Variants in RYR2 observed in about 807,000 individuals in gnomAD.
RYR2 encodes the protein ryanodine receptor 2.
Under a neutral mutation model 601.1 loss-of-function variants are expected in RYR2, and 227 were observed. That is an observed-to-expected ratio of 0.38 (90% CI 0.34 to 0.42). The LOEUF (loss-of-function observed/expected upper bound fraction) is 0.42, where lower values mean the gene tolerates loss of function less well. Ranked by LOEUF, RYR2 falls within the 10% of genes least tolerant of loss-of-function variation. The probability of loss-of-function intolerance (pLI) is 1.00; values close to 1 mark genes in which losing one functional copy is unlikely to be tolerated. For synonymous variants in RYR2, 2,223 were observed against 2,175.1 expected (o/e 1.02, Z -0.61); for missense variants, 4,646 against 6,156.5 (o/e 0.75, Z 8.21).
chr1:237,508,734 CTTTTTTTTTTTTTTT>C (rs869044432), intron 23 of RYR2, among the ~76,000 whole-genome samples: 2 of 77,676 alleles, frequency 2.6e-5, no homozygotes, highest in East Asian at 5.0e-4. Flanking sequence ...TTCGGGTTTT[CTTTTTTTTTTTTTTT>C]TTTTTTTTTT....
At chr1:237,486,023 G>A (rs1234255466) in intron 17 of RYR2, among the ~76,000 whole-genome samples, 1 of 152,098 alleles carries the variant, frequency 6.6e-6, no homozygotes, top group Non-Finnish European at 1.5e-5. Context: ...GAGAGGATGA[G>A]TTTAGGAGAT....
At chr1:237,138,188 T>A (rs1672990706) in intron 1 of RYR2, among the ~76,000 whole-genome samples, 1 of 152,060 alleles carries the variant, frequency 6.6e-6, no homozygotes, top group African/African-American at 2.4e-5. Flanking sequence ...TGTGCCACCG[T>A]GCCCGGCTAA....
At chr1:237,110,348 C>T (rs1669319933) in intron 1 of RYR2, among the ~76,000 whole-genome samples, 1 of 151,648 alleles carries the variant, frequency 6.6e-6, no homozygotes, top group South Asian at 2.1e-4. Flanking sequence ...ATGTGTCATG[C>T]TGGTGTGCTG....
At chr1:237,736,814 C>T (rs1027344644) in intron 79 of RYR2, among the ~76,000 whole-genome samples, 1 of 152,236 alleles carries the variant, frequency 6.6e-6, no homozygotes, top group African/African-American at 2.4e-5. Flanking sequence ...AATGCTCCCC[C>T]TGGCTGTGTG....
At chr1:237,485,563 A>AT (rs1027312462) in intron 17 of RYR2, among the ~76,000 whole-genome samples, 7 of 152,306 alleles carry the variant, frequency 4.6e-5, no homozygotes, top group African/African-American at 1.7e-4. Flanking sequence ...GCTGATTGAG[A>AT]TTTTGCAGTC....
At chr1:237,608,865 T>C (rs1245313821) in intron 35 of RYR2, among the ~76,000 whole-genome samples, 2 of 150,046 alleles carry the variant, frequency 1.3e-5, no homozygotes, top group Admixed American at 1.3e-4. Flanking sequence ...GCCTGACTGA[T>C]ATATTCAGTC....
chr1:237,445,697 T>C (rs1708270114), intron 14 of RYR2, among the ~76,000 whole-genome samples, 175 bp downstream of exon 14: 1 of 152,220 alleles, frequency 6.6e-6, no homozygotes, highest in Non-Finnish European at 1.5e-5. Context: ...TTCTTTTAAA[T>C]AAACTTTTAA....
At chr1:237,370,024 C>T (rs976362315) in intron 6 of RYR2, among the ~76,000 whole-genome samples, 6 of 152,042 alleles carry the variant, frequency 3.9e-5, no homozygotes, top group Non-Finnish European at 8.8e-5. Context: ...ACTTCTTTTT[C>T]TTCTTCACCA....
intron 32 of RYR2, 88 bp from the exon 33 acceptor site, chr1:237,593,388 A>G (rs1675450942): frequency 7.6e-7 from 1 of 1,314,568 alleles, no homozygotes; most frequent in East Asian, 2.4e-5. Flanking sequence ...TAAGTCATTC[A>G]CAGACTTAGA....
At chr1:237,741,923 A>G (rs1170679214) in intron 79 of RYR2, among the ~76,000 whole-genome samples, 1 of 152,096 alleles carries the variant, frequency 6.6e-6, no homozygotes, top group Non-Finnish European at 1.5e-5. Flanking sequence ...AATGGTCATT[A>G]TATTTGCCTG....
chr1:237,103,534 T>G (rs2148531687), intron 1 of RYR2, among the ~76,000 whole-genome samples: 1 of 152,304 alleles, frequency 6.6e-6, no homozygotes, highest in African/African-American at 2.4e-5. Context: ...ACCACCTTCC[T>G]TTGGTTTCTG....
intron 34 of RYR2, among the ~76,000 whole-genome samples, chr1:237,596,904 G>GCTAT (rs1459428424): frequency 6.6e-6 from 1 of 152,132 alleles, no homozygotes; most frequent in African/African-American, 2.4e-5. Flanking sequence ...GTCTAGCAAA[G>GCTAT]CTATCCTTCA....
chr1:237,159,987 T>C (rs1227576766), intron 1 of RYR2, among the ~76,000 whole-genome samples: 1 of 152,172 alleles, frequency 6.6e-6, no homozygotes, highest in Non-Finnish European at 1.5e-5. Context: ...TTCCCTCCAA[T>C]TTGAATATCT....
rs1199240245 is a variant in RYR2, at chr1:237,255,019, T to C, written c.49-15478T>C. Among the ~76,000 whole-genome samples the C allele has an allele frequency of 2.0e-5, 3 of 152,198 alleles. No individual in the cohort carries two copies. The East Asian group carries it at 5.8e-4, about 29-fold the overall frequency. On this transcript the variant is annotated intron_variant, in intron 1 of 104. Coordinates refer to ENST00000366574, the MANE Select transcript of RYR2 (RefSeq NM_001035.3). ...CTTTGGGCCTGTTCTACTTTAGGTA[T>C]GAGAGGCTCAGGAAAACTTTCTTAT...
At chr1:237,137,339 C>T (rs1034605626) in intron 1 of RYR2, among the ~76,000 whole-genome samples, 4 of 152,132 alleles carry the variant, frequency 2.6e-5, no homozygotes, top group Admixed American at 2.6e-4. Flanking sequence ...CTCTAGTTCT[C>T]TAGCTGGAAA....
intron 19 of RYR2, among the ~76,000 whole-genome samples, chr1:237,496,280 C>T (rs541289535): frequency 1.2e-4 from 19 of 152,238 alleles, no homozygotes; most frequent in African/African-American, 4.6e-4. Context: ...TGGTGGCACT[C>T]GCCTTTAGTG....
chr1:237,578,047 T>G (rs1033983974), intron 29 of RYR2, among the ~76,000 whole-genome samples: 13 of 152,158 alleles, frequency 8.5e-5, no homozygotes, highest in Non-Finnish European at 1.8e-4. Context: ...TGACCTAAGG[T>G]GATCTGCCTG....
At chr1:237,664,634 A>T (rs1684127062) in intron 56 of RYR2, among the ~76,000 whole-genome samples, 1 of 152,182 alleles carries the variant, frequency 6.6e-6, no homozygotes, top group Non-Finnish European at 1.5e-5. Context: ...TGATTCAGTT[A>T]TCTCCCACTG....
chr1:237,595,648 A>G lies in RYR2; in HGVS notation c.4587A>G (p.Thr1529=), dbSNP rs373148393. 9.9e-6 allele frequency: 16 copies of G among 1,611,582 alleles called. No individual in the cohort carries two copies. Among genetic ancestry groups the G allele is most frequent in the African/African-American group, 2.7e-5 (2 of 74,826 alleles). Reference sequence around the variant, plus strand: ...TTGCCAATGGCAAGGAACTGAGCACATACTATCAGGTACGCGGTCAGTGAT... The same window carrying G: ...TTGCCAATGGCAAGGAACTGAGCACGTACTATCAGGTACGCGGTCAGTGAT... ...TFIANGKELS[T]YYQVEPSTKL... is the part of the protein sequence containing the mutation. Residue 1529 remains threonine, a synonymous_variant, in exon 34 of 105, where the codon ACA becomes ACG. Transcript: ENST00000366574.
Sources: allele counts gnomAD v4.1 joint callset (sites outside exome capture counted in the v4.1 genomes callset), GRCh38; gene constraint gnomAD v4.1.1; transcripts MANE v1.5; gene names NCBI Gene and HGNC (gene_info 2026-07-23, HGNC 2026-07-21).